DMD: variants seen among roughly 807,000 people sequenced by gnomAD.
DMD encodes dystrophin, also known as mutant dystrophin.
In DMD, 63 loss-of-function variants were observed where a neutral mutation model predicts 330.1. The observed-to-expected ratio is 0.19, with a 90% CI of 0.16 to 0.24. The LOEUF is 0.24. Ranked by LOEUF, DMD falls within the 10% of genes least tolerant of loss-of-function variation. The pLI is 1.00. For missense variants in DMD, 3,344 were observed against 2,684.1 expected (o/e 1.25, Z -5.43); for synonymous variants, 1,223 against 959.8 (o/e 1.27, Z -5.07).
At chrX:31,350,592 CGTGT>C (rs747001189) in intron 60 of DMD, among the ~76,000 whole-genome samples, 1,475 of 85,199 alleles carry the variant, frequency 0.017, 20 homozygotes, top group African/African-American at 0.038. Context: ...AAATGTGGTA[CGTGT>C]GTGTGTGTGT....
chrX:31,474,727 TA>T (rs1257630162), intron 59 of DMD, among the ~76,000 whole-genome samples: 4 of 93,178 alleles, frequency 4.3e-5, no homozygotes, highest in Admixed American at 1.2e-4. Flanking sequence ...TAAAATAAAA[TA>T]AAATAAAATA....
At chrX:33,148,177 A>T (rs1327183764) in intron 1 of DMD, among the ~76,000 whole-genome samples, 1 of 112,434 alleles carries the variant, frequency 8.9e-6, no homozygotes, top group Non-Finnish European at 1.9e-5. Flanking sequence ...TGGGTGTGGA[A>T]TAACCAGTAC....
At chrX:31,393,492 C>CAAAAAAAAAAAAAAAAAAAAAA (rs1308905111) in intron 60 of DMD, among the ~76,000 whole-genome samples, 2 of 72,425 alleles carry the variant, frequency 2.8e-5, no homozygotes, top group Non-Finnish European at 4.8e-5. Flanking sequence ...AAAAAAAAAA[C>CAAAAAAAAAAAAAAAAAAAAAA]AAAAAAAAAA....
intron 12 of DMD, 143 bp downstream of exon 12, chrX:32,614,160 T>C (rs1240736916): frequency 1.7e-6 from 1 of 597,031 alleles, no homozygotes; most frequent in East Asian, 3.7e-5. Context: ...GCAAAAACAA[T>C]TAGGTAAAAA....
At chrX:31,908,165 C>T (rs910620086) in intron 47 of DMD, among the ~76,000 whole-genome samples, 1 of 112,103 alleles carries the variant, frequency 8.9e-6, no homozygotes, top group Non-Finnish European at 1.9e-5. Context: ...GGCGATTCCT[C>T]AAGGATCTAG....
At chrX:33,123,742 T>C (rs931735825) in intron 1 of DMD, among the ~76,000 whole-genome samples, 1 of 108,998 alleles carries the variant, frequency 9.2e-6, no homozygotes, top group African/African-American at 3.4e-5. Context: ...TTTTTTTTTT[T>C]CAGTCCAATA....
At chrX:33,194,370 G>C (rs2050811673) in intron 1 of DMD, among the ~76,000 whole-genome samples, 1 of 110,285 alleles carries the variant, frequency 9.1e-6, no homozygotes, top group Non-Finnish European at 1.9e-5. Flanking sequence ...GGCCTGGATG[G>C]TTTTCTGGCT....
At chrX:32,488,675 A>G (rs2042709048) in intron 20 of DMD, among the ~76,000 whole-genome samples, 1 of 111,605 alleles carries the variant, frequency 9.0e-6, no homozygotes, top group Admixed American at 9.6e-5. Flanking sequence ...ATGCAGTAAG[A>G]GAAGTATTTT....
At chrX:32,956,003 TATTGCC>T (rs1361140314) in intron 2 of DMD, among the ~76,000 whole-genome samples, 23 of 111,863 alleles carry the variant, frequency 2.1e-4, no homozygotes, top group Non-Finnish European at 3.8e-4. Flanking sequence ...TTTTGCTTAG[TATTGCC>T]TTGGCTACTT....
At chrX:32,879,258 C>G (rs1294810244) in intron 2 of DMD, among the ~76,000 whole-genome samples, 2 of 111,330 alleles carry the variant, frequency 1.8e-5, no homozygotes, top group African/African-American at 6.5e-5. Flanking sequence ...ATGCCAGTGA[C>G]TGCGGCAGAC....
At chrX:32,116,877 G>C (rs762200147) in intron 44 of DMD, among the ~76,000 whole-genome samples, 1 of 111,839 alleles carries the variant, frequency 8.9e-6, no homozygotes, top group Non-Finnish European at 1.9e-5. Flanking sequence ...TGTTAAAATA[G>C]TACATAAGCC....
rs2063888451 is a variant in DMD, at chrX:32,699,104, C to A, written c.831+8G>T. On this transcript the variant is annotated splice_region_variant and intron_variant, in intron 8 of 78. Transcript: ENST00000357033. ...TCTTGAATAGTAGCTGTCCTTTACA[C>A]ACTTTACCTGTTGAGAATAGTGCAT... The A allele has an allele frequency of 3.3e-6, 4 of 1,204,082 alleles. No individual in the cohort carries two copies. The East Asian group carries it at 1.2e-4, about 36-fold the overall frequency.
At chrX:31,547,449 A>G (rs2074209037) in intron 55 of DMD, among the ~76,000 whole-genome samples, 1 of 112,359 alleles carries the variant, frequency 8.9e-6, no homozygotes, top group East Asian at 2.8e-4. Flanking sequence ...TTAGGCTCTA[A>G]AAACAAATTC....
intron 2 of DMD, among the ~76,000 whole-genome samples, chrX:32,893,075 C>T (rs1424086473): frequency 5.4e-5 from 6 of 111,982 alleles, no homozygotes; most frequent in Non-Finnish European, 1.1e-4. Flanking sequence ...GATGGAATCC[C>T]ATGACGTGAT....
chrX:31,864,293 T>G (rs2093759626), intron 48 of DMD, among the ~76,000 whole-genome samples: 1 of 110,654 alleles, frequency 9.0e-6, no homozygotes, highest in African/African-American at 3.3e-5. Flanking sequence ...TTTTCTCATG[T>G]CCAACAAATT....
rs766410863 is a variant in DMD, at chrX:32,849,806, A to G, written c.108T>C (p.His36=). ...GTAGGTCACTGAAGAGGTTCTCAAT[A>G]TGCTGCTTCCCAAACTGAAATTAAA... ...NAQFSKFGKQ[H]IENLFSDLQD... Residue 36 remains histidine (H), a synonymous_variant, in exon 3 of 79, where the codon CAT becomes CAC. Coordinates refer to ENST00000357033, the MANE Select transcript of DMD (RefSeq NM_004006.3). 1 of 1,200,540 alleles carries G rather than the reference A, an allele frequency of 8.3e-7. No homozygotes were observed. Among genetic ancestry groups the G allele is most frequent in the Non-Finnish European group, 1.1e-6 (1 of 886,685 alleles).
At position 32,408,551 on chromosome X, in the gene DMD, A is replaced by T. The variant is rs150313059; in HGVS notation, c.4233+3201T>A. On this transcript the variant is annotated intron_variant, in intron 30 of 78. Coordinates refer to ENST00000357033, the MANE Select transcript of DMD (RefSeq NM_004006.3). Reference sequence around the variant, plus strand: ...GAAAAAATAATGCTCTAAAAGATTCAAATTAACTAGCAAAACTCTCAGTGC... The same window carrying T: ...GAAAAAATAATGCTCTAAAAGATTCTAATTAACTAGCAAAACTCTCAGTGC... 1.3e-4 allele frequency among the ~76,000 whole-genome samples: 14 copies of T among 111,695 alleles called. No homozygotes were observed. The East Asian group carries it at 4.0e-3, about 32-fold the overall frequency.
chrX:32,675,983 G>C (rs1464916245), intron 9 of DMD, among the ~76,000 whole-genome samples: 5 of 111,287 alleles, frequency 4.5e-5, no homozygotes, highest in Non-Finnish European at 9.5e-5. Context: ...CTAATAAAAT[G>C]ATTCAGAGCC....
chrX:32,401,416 C>T (rs2098085550), intron 30 of DMD, among the ~76,000 whole-genome samples: 1 of 111,940 alleles, frequency 8.9e-6, no homozygotes, highest in South Asian at 3.7e-4. Flanking sequence ...TTTGCAATAA[C>T]ATGGATGGAA....
Sources: allele counts gnomAD v4.1 joint callset (sites outside exome capture counted in the v4.1 genomes callset), GRCh38; gene constraint gnomAD v4.1.1; transcripts MANE v1.5; gene names NCBI Gene and HGNC (gene_info 2026-07-23, HGNC 2026-07-21).